The following MGAT4C variants were observed in gnomAD, a reference collection of about 807,000 sequenced individuals.
MGAT4C encodes MGAT4 family member C.
MGAT4C carries 19 observed loss-of-function variants against 40.1 expected under a neutral mutation model. The ratio of observed to expected loss-of-function variants is 0.47; its 90% CI spans 0.33 to 0.70. MGAT4C has a LOEUF of 0.70. MGAT4C is among the 30% of genes least tolerant of loss of function. The pLI is 0.02. For synonymous variants in MGAT4C, 181 were observed against 187.1 expected, an observed-to-expected ratio of 0.97 and a Z score of 0.27; for missense variants, 491 against 563.2, an observed-to-expected ratio of 0.87 and a Z score of 1.30.
At chr12:86,610,814 T>C (rs779565778) in intron 2 of MGAT4C, among the ~76,000 whole-genome samples, 17 of 130,608 alleles carry the variant, frequency 1.3e-4, no homozygotes, top group Admixed American at 4.0e-4. Flanking sequence ...TAAAAGTAAA[T>C]GAGAGACGGG....
intron 1 of MGAT4C, among the ~76,000 whole-genome samples, chr12:86,198,943 T>C (rs554413437): frequency 1.3e-5 from 2 of 152,342 alleles, no homozygotes; most frequent in South Asian, 4.1e-4. Context: ...TGCCAGAATT[T>C]GTTCATTTTA....
At chr12:86,356,807 T>G (rs532148411) in intron 3 of MGAT4C, among the ~76,000 whole-genome samples, 3 of 152,008 alleles carry the variant, frequency 2.0e-5, no homozygotes, top group Admixed American at 6.6e-5. Context: ...ATTGAGTAGA[T>G]AAACAAAGTG....
intron 4 of MGAT4C, among the ~76,000 whole-genome samples, chr12:86,297,410 C>T (rs1353359605): frequency 1.3e-5 from 2 of 151,922 alleles, no homozygotes; most frequent in Non-Finnish European, 2.9e-5. Flanking sequence ...CAAAATGTTA[C>T]TAAAAGAAAA....
chr12:86,120,253 C>G (rs184678277), intron 1 of MGAT4C, among the ~76,000 whole-genome samples: 3 of 151,424 alleles, frequency 2.0e-5, no homozygotes, highest in African/African-American at 7.3e-5. Flanking sequence ...ACTTTAAGTT[C>G]GAGGGTACAT....
At chr12:86,148,074 AT>A (rs1291293617) in intron 1 of MGAT4C, among the ~76,000 whole-genome samples, 1 of 152,204 alleles carries the variant, frequency 6.6e-6, no homozygotes, top group Admixed American at 6.5e-5. Flanking sequence ...ATATTGAAGC[AT>A]TTCATAAAGA....
chr12:86,180,331 T>C (rs894771514), intron 1 of MGAT4C, among the ~76,000 whole-genome samples: 1 of 152,218 alleles, frequency 6.6e-6, no homozygotes, highest in African/African-American at 2.4e-5. Context: ...GCTAGGGCAG[T>C]GCAGAAGGGA....
Position 85,974,262 on chromosome 12 carries a change from T to C in MGAT4C, c.*5027A>G, listed in dbSNP as rs1029496863. ...TTCAAAGGATGTCATGTATAAAAGA[T>C]TTGAGTGAGAACATGAAAGCAAAAG... On this transcript the variant is annotated 3_prime_UTR_variant, in exon 5 of 5. Coordinates refer to ENST00000611864, the MANE Select transcript of MGAT4C (RefSeq NM_001351288.2). 2 of 150,628 alleles carry C rather than the reference T, an allele frequency of 1.3e-5. No individual in the cohort carries two copies. The highest frequency in any genetic ancestry group is 3.0e-5 in the Non-Finnish European group (2 of 67,000). The allele number at this position is 150,628 out of a possible 1,614,324, so 9.3% of individuals were successfully genotyped here.
At chr12:86,477,463 A>T (rs1311434709) in intron 2 of MGAT4C, among the ~76,000 whole-genome samples, 1 of 152,026 alleles carries the variant, frequency 6.6e-6, no homozygotes, top group African/African-American at 2.4e-5. Context: ...CTACTGGGTG[A>T]TAAGATCATT....
intron 1 of MGAT4C, among the ~76,000 whole-genome samples, chr12:86,830,825 G>A (rs758014434): frequency 5.9e-5 from 9 of 151,728 alleles, no homozygotes; most frequent in Non-Finnish European, 1.3e-4. Flanking sequence ...TCCTAAAGAG[G>A]AGCTGTGAAG....
At chr12:85,990,981 C>A (rs1437465012) in intron 2 of MGAT4C, among the ~76,000 whole-genome samples, 1 of 152,126 alleles carries the variant, frequency 6.6e-6, no homozygotes, top group Non-Finnish European at 1.5e-5. Context: ...GATCAGAAAC[C>A]TCTGTGACTG....
chr12:86,358,642 G>A lies in MGAT4C; in HGVS notation c.-119-24515C>T, dbSNP rs570627379. Among the ~76,000 whole-genome samples the A allele has an allele frequency of 7.4e-4, 113 of 152,140 alleles. 2 individuals are homozygous for A. In the South Asian group the frequency reaches 0.023, roughly 31 times the overall value. ...AAAGGGATGGAGGAAGATCTACCAAGGAAATGGAAAACAAAAAAAAGCAGG... is the reference window on the plus strand; with the variant it reads ...AAAGGGATGGAGGAAGATCTACCAAAGAAATGGAAAACAAAAAAAAGCAGG... On this transcript the variant is annotated intron_variant, in intron 3 of 7. Transcript: ENST00000548651.
intron 1 of MGAT4C, among the ~76,000 whole-genome samples, chr12:86,214,691 C>T (rs1333835491): frequency 1.3e-5 from 2 of 152,128 alleles, no homozygotes; most frequent in African/African-American, 2.4e-5. Flanking sequence ...CTAATTTCAC[C>T]ATCATTGCCT....
intron 1 of MGAT4C, among the ~76,000 whole-genome samples, chr12:86,731,889 C>G (rs1293100708): frequency 6.6e-6 from 1 of 152,100 alleles, no homozygotes; most frequent in Non-Finnish European, 1.5e-5. Context: ...AGAAGCATTA[C>G]TTTTTTCCCC....
intron 2 of MGAT4C, among the ~76,000 whole-genome samples, chr12:86,666,580 T>C (rs2136557137): frequency 6.6e-6 from 1 of 152,254 alleles, no homozygotes; most frequent in South Asian, 2.1e-4. Context: ...TGCTCTGATG[T>C]GAGTCACAAA....
chr12:85,992,871 A>G (rs915630764), intron 2 of MGAT4C, among the ~76,000 whole-genome samples: 3 of 152,198 alleles, frequency 2.0e-5, no homozygotes, highest in African/African-American at 7.2e-5. Flanking sequence ...GCCCTCCTAG[A>G]TGGCCATCTC....
At chr12:86,491,494 C>T (rs572887456) in intron 2 of MGAT4C, among the ~76,000 whole-genome samples, 277 of 152,006 alleles carry the variant, frequency 1.8e-3, no homozygotes, top group African/African-American at 5.3e-3. Context: ...GTTCAATATA[C>T]GCAAATCAAT....
chr12:86,040,054 T>C (rs1891651266), intron 2 of MGAT4C, among the ~76,000 whole-genome samples: 1 of 152,198 alleles, frequency 6.6e-6, no homozygotes, highest in Non-Finnish European at 1.5e-5. Context: ...CACCGGCAGA[T>C]GCTGCAGAAC....
intron 2 of MGAT4C, among the ~76,000 whole-genome samples, chr12:86,702,851 C>T (rs1355932289): frequency 4.6e-5 from 7 of 152,136 alleles, no homozygotes; most frequent in African/African-American, 1.7e-4. Flanking sequence ...AATTTTAAGA[C>T]TATATCTTCT....
At chr12:86,180,822 G>C (rs1054950109) in intron 1 of MGAT4C, among the ~76,000 whole-genome samples, 7 of 152,194 alleles carry the variant, frequency 4.6e-5, no homozygotes, top group African/African-American at 1.7e-4. Context: ...TGTCTCAGAT[G>C]AAACTTTGGA....
Sources: gnomAD v4.1 joint callset for allele counts (sites outside exome capture counted in the v4.1 genomes callset) on GRCh38, gnomAD v4.1.1 for gene constraint, MANE v1.5 for transcripts, NCBI Gene and HGNC (gene_info 2026-07-23, HGNC 2026-07-21) for gene names.